The following AMTN variants were observed in gnomAD, a reference collection of about 807,000 sequenced individuals.
The protein encoded by AMTN is RSTI689.
A neutral mutation model predicts 27.4 loss-of-function variants in AMTN; 29 were observed. That is an observed-to-expected ratio of 1.06 (90% CI 0.79 to 1.44). The LOEUF (loss-of-function observed/expected upper bound fraction) is 1.44, where lower values mean the gene tolerates loss of function less well. AMTN is among the 40% of genes most tolerant of loss of function. The probability of loss-of-function intolerance (pLI) is 0.00; values close to 1 mark genes in which losing one functional copy is unlikely to be tolerated. For missense variants in AMTN, 247 were observed against 248.8 expected (o/e 0.99, Z 0.05); for synonymous variants, 86 against 95.7 (o/e 0.90, Z 0.59).
Position 70,523,913 on chromosome 4 carries a change from C to G in AMTN, c.184C>G (p.Leu62Val). The part of the protein sequence containing the change: ...SLIPLTQMLT[L>V]GPDLHLLNPA... ...GATACCATTAACACAGATGCTCACA[C>G]TGGGGCCAGATCTGCATCTGGTAAG... is the stretch of plus-strand genomic sequence containing the variant. The change falls in exon 4 of 9, where the codon CTG becomes GTG. Residue 62 changes from leucine to valine, a missense_variant. By Grantham distance (32) the Leu-to-Val change is conservative. Transcript: ENST00000339336. 1.9e-6 allele frequency: 3 copies of G among 1,613,712 alleles called. No homozygotes were observed. The highest frequency in any genetic ancestry group is 2.5e-6 in the Non-Finnish European group (3 of 1,179,660).
chr4:70,528,987 A>T (rs1736157330), intron 6 of AMTN, among the ~76,000 whole-genome samples, 197 bp from the exon 7 acceptor site: 1 of 152,242 alleles, frequency 6.6e-6, no homozygotes, highest in South Asian at 2.1e-4. Context: ...TACTCAAAAA[A>T]TGAATGTCAG....
At position 70,526,662 on chromosome 4, in the gene AMTN, T is replaced by C. The variant is rs1309015508; in HGVS notation, c.294+1701T>C. ...ACTGATTGCCCAGCTTCAGTCTCCA[T>C]TGTTGCCCTCCTCTAACCTTGAAGG... On this transcript the variant is annotated intron_variant, in intron 5 of 8. Coordinates refer to ENST00000339336, the MANE Select transcript of AMTN (RefSeq NM_212557.4). Among the ~76,000 whole-genome samples, 4 of 152,206 alleles carry C rather than the reference T, an allele frequency of 2.6e-5. No homozygotes were observed. In the South Asian group the frequency reaches 8.3e-4, roughly 32 times the overall value.
chr4:70,519,913 C>CGTGTGTGTGTGTGTGTGT (rs10645813), intron 2 of AMTN, among the ~76,000 whole-genome samples: 5 of 147,206 alleles, frequency 3.4e-5, no homozygotes, highest in African/African-American at 1.3e-4. Flanking sequence ...ATACTACATA[C>CGTGTGTGTGTGTGTGTGT]GTGTGTGTGT....
Position 70,522,788 on chromosome 4 carries a change from A to G in AMTN, c.88A>G (p.Lys30Glu), listed in dbSNP as rs898206114. 12 of 1,613,850 alleles carry G rather than the reference A, an allele frequency of 7.4e-6. No individual in the cohort carries two copies. Among genetic ancestry groups the G allele is most frequent in the Non-Finnish European group, 9.3e-6 (11 of 1,179,850 alleles). The stretch of plus-strand genomic sequence containing the variant: ...ACCTGCTTTGGGACTCCCTCCCACA[A>G]AACTGGCTCCGGATCAGGGAACACT... ...LKPALGLPPT[K>E]LAPDQGTLPN... Residue 30 changes from lysine (K) to glutamate (E), a missense_variant, in exon 3 of 9, where the codon AAA becomes GAA. By Grantham distance (56) the Lys-to-Glu change is moderately conservative. Transcript: ENST00000339336.
chr4:70,530,137 C>T (rs1021057167), intron 7 of AMTN, among the ~76,000 whole-genome samples: 5 of 152,068 alleles, frequency 3.3e-5, no homozygotes, highest in African/African-American at 1.2e-4. Context: ...AGATCCAATG[C>T]CATTTTTTAA....
intron 2 of AMTN, among the ~76,000 whole-genome samples, chr4:70,521,653 T>C (rs1305670177): frequency 2.0e-5 from 1 of 49,598 alleles, no homozygotes; most frequent in Non-Finnish European, 5.5e-5. Context: ...TTTTTTTTTT[T>C]TTTTTTTTTT....
Position 70,532,525 on chromosome 4 carries a change from T to C in AMTN, c.*60T>C. On this transcript the variant is annotated 3_prime_UTR_variant, in exon 9 of 9. Coordinates refer to ENST00000339336, the MANE Select transcript of AMTN (RefSeq NM_212557.4). ...ATTTGGTGATACATGTGAATCTTTATCATTGATTATATTATGGAATAGATT... is the reference window on the plus strand; with the variant it reads ...ATTTGGTGATACATGTGAATCTTTACCATTGATTATATTATGGAATAGATT... The C allele has an allele frequency of 6.8e-7, 1 of 1,461,850 alleles. No homozygotes were observed. Among genetic ancestry groups the C allele is most frequent in the Admixed American group, 1.8e-5 (1 of 56,978 alleles). The allele number at this position is 1,461,850 out of a possible 1,614,324, so 90.6% of individuals were successfully genotyped here.
intron 2 of AMTN, among the ~76,000 whole-genome samples, chr4:70,521,378 T>TAA (rs58094819): frequency 3.5e-5 from 4 of 115,046 alleles, no homozygotes; most frequent in African/African-American, 1.3e-4. Context: ...AGACTCCACT[T>TAA]AAAAAAAAAA....
chr4:70,531,883 T>G (rs552586070), intron 8 of AMTN, among the ~76,000 whole-genome samples: 1 of 152,242 alleles, frequency 6.6e-6, no homozygotes, highest in Non-Finnish European at 1.5e-5. Context: ...CTAGAACTCC[T>G]GGCCTCAAGC....
intron 6 of AMTN, 139 bp from the exon 7 acceptor site, chr4:70,529,044 AG>A: frequency 1.4e-6 from 1 of 730,930 alleles, no homozygotes; most frequent in Non-Finnish European, 2.1e-6. Flanking sequence ...ATAGATCATA[AG>A]GCAGTTTAAC....
At chr4:70,519,913 C>CGTGTGTGTGT (rs10645813) in intron 2 of AMTN, among the ~76,000 whole-genome samples, 32 of 147,204 alleles carry the variant, frequency 2.2e-4, no homozygotes, top group African/African-American at 7.4e-4. Context: ...ATACTACATA[C>CGTGTGTGTGT]GTGTGTGTGT....
intron 5 of AMTN, among the ~76,000 whole-genome samples, chr4:70,527,673 T>A (rs2109773473): frequency 6.6e-6 from 1 of 152,298 alleles, no homozygotes; most frequent in East Asian, 1.9e-4. Context: ...GGTTTGGTAA[T>A]TATGAAATTA....
At chr4:70,518,940 T>C (rs1735882144) in intron 2 of AMTN, 109 bp downstream of exon 2, 1 of 864,800 alleles carries the variant, frequency 1.2e-6, no homozygotes, top group East Asian at 2.5e-5. Flanking sequence ...TTGTGACTCA[T>C]TCCCTGAGAG....
chr4:70,527,580 A>G lies in AMTN; in HGVS notation c.295-1143A>G, dbSNP rs542099223. On this transcript the variant is annotated intron_variant, in intron 5 of 8. Coordinates refer to ENST00000339336, the MANE Select transcript of AMTN (RefSeq NM_212557.4). ...ATGTACGTAATTTTTCCTTGTTGGC[A>G]TTCCATAGTTCCATAATTCCTGCAC... 6.6e-5 allele frequency among the ~76,000 whole-genome samples: 10 copies of G among 152,258 alleles called. No homozygotes were observed. In the East Asian group the frequency reaches 1.9e-3, roughly 29 times the overall value.
chr4:70,520,344 A>T (rs1190919694), intron 2 of AMTN, among the ~76,000 whole-genome samples: 1 of 152,222 alleles, frequency 6.6e-6, no homozygotes, highest in African/African-American at 2.4e-5. Context: ...TATTATTTGT[A>T]AATGAATGTA....
chr4:70,518,774 A>G lies in AMTN; in HGVS notation c.-4A>G. On this transcript the variant is annotated 5_prime_UTR_variant, in exon 2 of 9. Coordinates refer to ENST00000339336, the MANE Select transcript of AMTN (RefSeq NM_212557.4). The stretch of plus-strand genomic sequence containing the variant: ...TTTTGTTGTTGTAGGTAGCAATCTG[A>G]AACATGAGGAGTACGATTCTACTGT... 6.2e-7 allele frequency: 1 copy of G among 1,601,722 alleles called. No homozygotes were observed. The highest frequency in any genetic ancestry group is 8.6e-7 in the Non-Finnish European group (1 of 1,168,880).
chr4:70,520,946 C>T (rs28626146), intron 2 of AMTN, among the ~76,000 whole-genome samples: 67,757 of 151,906 alleles, frequency 0.45, 15,892 homozygotes, highest in Admixed American at 0.52. Context: ...TGGACTTTAC[C>T]TGTTGCAGAA....
At chr4:70,522,565 C>A (rs886992004) in intron 2 of AMTN, among the ~76,000 whole-genome samples, 190 bp from the exon 3 acceptor site, 4 of 152,172 alleles carry the variant, frequency 2.6e-5, no homozygotes, top group Non-Finnish European at 4.4e-5. Flanking sequence ...CATCCCACCC[C>A]TCCTGGGCTG....
At chr4:70,518,720 G>GA (rs1418123657) in intron 1 of AMTN, 43 bp from the exon 2 acceptor site, 52 of 1,343,552 alleles carry the variant, frequency 3.9e-5, no homozygotes, top group Middle Eastern at 1.9e-4. Flanking sequence ...CTCTTAAAAG[G>GA]AAAAAAAATA....
Sources: allele counts gnomAD v4.1 joint callset (sites outside exome capture counted in the v4.1 genomes callset), GRCh38; gene constraint gnomAD v4.1.1; transcripts MANE v1.5; gene names NCBI Gene and HGNC (gene_info 2026-07-23, HGNC 2026-07-21).